Variants in SHE observed in about 807,000 individuals in gnomAD.
The protein encoded by SHE is SH2 domain-containing adapter protein E.
In SHE, 11 loss-of-function variants were observed where a neutral mutation model predicts 49.8. That is an observed-to-expected ratio of 0.22 (90% CI 0.14 to 0.37). The LOEUF is 0.37. Ranked by LOEUF, SHE falls within the 10% of genes least tolerant of loss-of-function variation. The probability of loss-of-function intolerance (pLI) is 1.00; values close to 1 mark genes in which losing one functional copy is unlikely to be tolerated. For synonymous variants in SHE, 310 were observed against 278.1 expected, an observed-to-expected ratio of 1.11 and a Z score of -1.14; for missense variants, 624 against 655.5, an observed-to-expected ratio of 0.95 and a Z score of 0.52.
intron 1 of SHE, 144 bp from the exon 2 acceptor site, chr1:154,499,382 C>A: frequency 1.2e-6 from 1 of 855,344 alleles, no homozygotes. Context: ...TGCACTTGAT[C>A]ATGTGTCCCA....
At position 154,479,833 on chromosome 1, in the gene SHE, G is replaced by GTGATGATA; in HGVS notation, c.*4308_*4315dup. The GTGATGATA allele has an allele frequency of 3.0e-6, 3 of 985,390 alleles. No homozygotes were observed. The highest frequency in any genetic ancestry group is 3.6e-6 in the Non-Finnish European group (3 of 829,922). 61.0% of individuals were successfully genotyped at this position (985,390 alleles called of 1,614,324 possible). On this transcript the variant is annotated 3_prime_UTR_variant, in exon 6 of 6. Coordinates refer to ENST00000304760, the MANE Select transcript of SHE (RefSeq NM_001010846.3). ...GATCCAGCCTTAGTCCAGGGACCTT[G>GTGATGATA]TGATGATAGTTGTATTAGACTTCAA... is the stretch of plus-strand genomic sequence containing the variant.
chr1:154,478,305 C>T (rs983382249), downstream of SHE, among the ~76,000 whole-genome samples: 149 of 152,176 alleles, frequency 9.8e-4, 1 homozygote, highest in Non-Finnish European at 1.7e-3. Flanking sequence ...AACCACAAGG[C>T]CACTGTGGAG....
Position 154,470,490 on chromosome 1 carries a change from G to A in SHE, c.103-128C>T, listed in dbSNP as rs1405563147. The A allele has an allele frequency of 1.2e-5, 11 of 928,498 alleles. No homozygotes were observed. The Admixed American group carries it at 2.6e-4, about 22-fold the overall frequency. 57.5% of individuals were successfully genotyped at this position (928,498 alleles called of 1,614,324 possible). A position where few individuals can be genotyped will look rare whatever the true frequency, so the allele number is the denominator to read the frequency against. On this transcript the variant is annotated intron_variant, in intron 1 of 1. Coordinates refer to the SHE transcript ENST00000486773. ...TGTGAGAATTACAGGGCAGGGGCAG[G>A]AAACAGTGTTTGCCATCCTCCATCC...
intron 5 of SHE, 91 bp downstream of exon 5, chr1:154,485,852 A>C: frequency 1.3e-6 from 2 of 1,511,982 alleles, no homozygotes; most frequent in Non-Finnish European, 1.8e-6. Flanking sequence ...ACCCCTGTGA[A>C]ACACCTTCAC....
At chr1:154,470,935 G>A (rs986686407) in intron 1 of SHE, among the ~76,000 whole-genome samples, 2 of 151,940 alleles carry the variant, frequency 1.3e-5, no homozygotes, top group Non-Finnish European at 2.9e-5. Flanking sequence ...GCTTGAACCC[G>A]GGAGGCGGAG....
chr1:154,489,589 T>A (rs72698164), intron 2 of SHE, among the ~76,000 whole-genome samples: 161 of 152,328 alleles, frequency 1.1e-3, no homozygotes, highest in Admixed American at 1.8e-3. Flanking sequence ...CTGAGTCAGA[T>A]AATGGGATCC....
Position 154,482,805 on chromosome 1 carries a change from C to T in SHE, c.*1344G>A. On this transcript the variant is annotated 3_prime_UTR_variant, in exon 6 of 6. Transcript: ENST00000304760. ...GAGAAAACCTCTAGGTCTTTTCAAA[C>T]ACTTCTGTATAGTACAAGGCAGTCT... The T allele has an allele frequency of 3.0e-6, 3 of 985,402 alleles. No homozygotes were observed. Among genetic ancestry groups the T allele is most frequent in the Non-Finnish European group, 3.6e-6 (3 of 829,926 alleles). The allele number at this position is 985,402 out of a possible 1,614,324, so 61.0% of individuals were successfully genotyped here.
chr1:154,482,758 A>C lies in SHE; in HGVS notation c.*1391T>G, dbSNP rs1340351457. 1.0e-6 allele frequency: 1 copy of C among 985,034 alleles called. No individual in the cohort carries two copies. Among genetic ancestry groups the C allele is most frequent in the African/African-American group, 1.7e-5 (1 of 57,244 alleles). The allele number at this position is 985,034 out of a possible 1,614,324, so 61.0% of individuals were successfully genotyped here. On this transcript the variant is annotated 3_prime_UTR_variant, in exon 6 of 6. Coordinates refer to ENST00000304760, the MANE Select transcript of SHE (RefSeq NM_001010846.3). ...AAATCATAAAGATCCTAATACTATG[A>C]ATCTTAAGTAATGGTATTTAAGAGA...
intron 2 of SHE, among the ~76,000 whole-genome samples, chr1:154,492,740 A>G (rs908889129): frequency 6.6e-6 from 1 of 152,230 alleles, no homozygotes; most frequent in African/African-American, 2.4e-5. Flanking sequence ...AACACAAAGG[A>G]GTTCAAAGGA....
rs186797867 is a variant in SHE, at chr1:154,483,386, C to T, written c.*763G>A. The stretch of plus-strand genomic sequence containing the variant: ...CTTGCCCGTCATTCACATTTTCTCC[C>T]GCTCATTCATTTCCCCAATAACGAG... On this transcript the variant is annotated 3_prime_UTR_variant, in exon 6 of 6. Transcript: ENST00000304760. 60 of 985,388 alleles carry T rather than the reference C, an allele frequency of 6.1e-5. No individual in the cohort carries two copies. In the African/African-American group the frequency reaches 6.8e-4, roughly 11 times the overall value. 61.0% of individuals were successfully genotyped at this position (985,388 alleles called of 1,614,324 possible). A position where few individuals can be genotyped will look rare whatever the true frequency, so the allele number is the denominator to read the frequency against.
chr1:154,481,298 A>G lies in SHE; in HGVS notation c.*2851T>C, dbSNP rs1692012705. On this transcript the variant is annotated 3_prime_UTR_variant, in exon 6 of 6. Coordinates refer to ENST00000304760, the MANE Select transcript of SHE (RefSeq NM_001010846.3). Reference sequence around the variant, plus strand: ...AAGAAAATAGCTCACTAACGCCCCCACCTCTGACTTCCCACTAATTTACTA... The same window carrying G: ...AAGAAAATAGCTCACTAACGCCCCCGCCTCTGACTTCCCACTAATTTACTA... 2.0e-6 allele frequency: 2 copies of G among 985,290 alleles called. No homozygotes were observed. The highest frequency in any genetic ancestry group is 2.4e-6 in the Non-Finnish European group (2 of 829,896). 61.0% of individuals were successfully genotyped at this position (985,290 alleles called of 1,614,324 possible). A position where few individuals can be genotyped will look rare whatever the true frequency, so the allele number is the denominator to read the frequency against.
Position 154,486,275 on chromosome 1 carries a change from G to A in SHE, c.1182-213C>T, listed in dbSNP as rs144343944. Among the ~76,000 whole-genome samples the A allele has an allele frequency of 3.2e-3, 482 of 152,278 alleles. 2 individuals carry two copies. Among genetic ancestry groups the A allele is most frequent in the African/African-American group, 0.011 (466 of 41,560 alleles). ...ATCAATCATACAAGAGTGAGTTAAC[G>A]GCGCTAGTGTCATTTGAACAGTTTT... is the stretch of plus-strand genomic sequence containing the variant. On this transcript the variant is annotated intron_variant, in intron 4 of 5. Coordinates refer to ENST00000304760, the MANE Select transcript of SHE (RefSeq NM_001010846.3).
chr1:154,471,031 CAAA>C (rs66850263), intron 1 of SHE, among the ~76,000 whole-genome samples: 3 of 147,400 alleles, frequency 2.0e-5, no homozygotes, highest in Non-Finnish European at 4.5e-5. Context: ...AAAAAAAACA[CAAA>C]AAAAAAATAA....
Position 154,484,099 on chromosome 1 carries a change from G to C in SHE, c.*50C>G. 1 of 1,586,364 alleles carries C rather than the reference G, an allele frequency of 6.3e-7. No individual in the cohort carries two copies. Among genetic ancestry groups the C allele is most frequent in the South Asian group, 1.1e-5 (1 of 88,386 alleles). On this transcript the variant is annotated 3_prime_UTR_variant, in exon 6 of 6. Transcript: ENST00000304760. ...TCCTCTGAGATGCTGGTTGTGCGCT[G>C]ATGATGCCCTTGAAGGTGCCAGAGG...
intron 2 of SHE, among the ~76,000 whole-genome samples, chr1:154,492,137 A>C (rs534151189): frequency 6.6e-6 from 1 of 152,312 alleles, no homozygotes; most frequent in African/African-American, 2.4e-5. Flanking sequence ...TGCAAAACTT[A>C]GGTATAGGCT....
Position 154,479,945 on chromosome 1 carries a change from T to A in SHE, c.*4204A>T, listed in dbSNP as rs929939255. On this transcript the variant is annotated 3_prime_UTR_variant, in exon 6 of 6. Transcript: ENST00000304760. ...CTTTTCTGGACTGTATCAGAAATCC[T>A]TCAGAAAGCCCTACCCTTAAATGCA... The A allele has an allele frequency of 2.0e-6, 2 of 985,284 alleles. No individual in the cohort carries two copies. Among genetic ancestry groups the A allele is most frequent in the African/African-American group, 3.5e-5 (2 of 57,230 alleles). 61.0% of individuals were successfully genotyped at this position (985,284 alleles called of 1,614,324 possible). A position where few individuals can be genotyped will look rare whatever the true frequency, so the allele number is the denominator to read the frequency against.
At chr1:154,496,904 G>A (rs760484390) in intron 2 of SHE, among the ~76,000 whole-genome samples, 2 of 151,904 alleles carry the variant, frequency 1.3e-5, no homozygotes, top group African/African-American at 2.4e-5. Context: ...AAAACCCAAG[G>A]ACAAAGAAAG....
rs1472154197 is a variant in SHE at position 154,481,030 on chromosome 1, A to G, written c.*3119T>C. On this transcript the variant is annotated 3_prime_UTR_variant, in exon 6 of 6. Transcript: ENST00000304760. ...ACCAGAGAATATCCTGGGAGATGGA[A>G]TAACTCGAAGGAATGAGGACTACAG... is the stretch of plus-strand genomic sequence containing the variant. The G allele has an allele frequency of 5.1e-6, 5 of 985,470 alleles. No homozygotes were observed. The highest frequency in any genetic ancestry group is 6.0e-6 in the Non-Finnish European group (5 of 829,932). The allele number at this position is 985,470 out of a possible 1,614,324, so 61.0% of individuals were successfully genotyped here.
intron 5 of SHE, chr1:154,485,656 TGA>T (rs1026101626): frequency 2.0e-5 from 6 of 294,710 alleles, no homozygotes; most frequent in Non-Finnish European, 3.9e-5. Flanking sequence ...ATTTCTCTAC[TGA>T]GAGGGCCTAC....
Sources: gnomAD v4.1 joint callset for allele counts (sites outside exome capture counted in the v4.1 genomes callset) on GRCh38, gnomAD v4.1.1 for gene constraint, MANE v1.5 for transcripts, NCBI Gene and HGNC (gene_info 2026-07-23, HGNC 2026-07-21) for gene names.